CDKL5: variants seen among roughly 807,000 people sequenced by gnomAD.
CDKL5 encodes cyclin-dependent kinase-like 5.
Under a neutral mutation model 61.7 loss-of-function variants are expected in CDKL5, and 8 were observed. The ratio of observed to expected loss-of-function variants is 0.13; its 90% CI spans 0.08 to 0.23. The LOEUF (loss-of-function observed/expected upper bound fraction) is 0.23, where lower values mean the gene tolerates loss of function less well. Ranked by LOEUF, CDKL5 falls within the 10% of genes least tolerant of loss-of-function variation. The pLI, the probability that CDKL5 is intolerant of heterozygous loss-of-function variation, is 1.00. For synonymous variants in CDKL5, 275 were observed against 272.3 expected (o/e 1.01, Z -0.10); for missense variants, 440 against 734.5 (o/e 0.60, Z 4.63).
At chrX:18,525,816 G>A (rs763564425) in intron 3 of CDKL5, among the ~76,000 whole-genome samples, 211 of 103,623 alleles carry the variant, frequency 2.0e-3, no homozygotes, top group African/African-American at 7.0e-3. Flanking sequence ...GTGCGATCTC[G>A]GCCCACTGCA....
intron 1 of CDKL5, among the ~76,000 whole-genome samples, chrX:18,436,085 T>G (rs981897128): frequency 4.5e-5 from 5 of 112,116 alleles, no homozygotes; most frequent in African/African-American, 6.5e-5. Context: ...GTATGTTATA[T>G]GTATTATGTA....
rs754063912 is a variant in CDKL5 at position 18,604,402 on chromosome X, G to C, written c.1478G>C (p.Ser493Thr). Residue 493 changes from serine (S) to threonine (T), a missense_variant, in exon 12 of 18, where the codon AGT becomes ACT. This residue lies in a region of CDKL5 where 363 missense variants were observed against 516.3 expected (regional missense o/e 0.70). Transcript: ENST00000623535. ...AAGGCCAAAAGCCATGGGGCACTGA[G>C]TGACTCCAAGTCTGTGAGCAACCTT... ...RTKAKSHGALSDSKSVSNLSE... is the reference protein window; with the variant it reads ...RTKAKSHGALTDSKSVSNLSE... 8.3e-7 allele frequency: 1 copy of C among 1,211,157 alleles called. No homozygotes were observed. Among genetic ancestry groups the C allele is most frequent in the Non-Finnish European group, 1.1e-6 (1 of 895,076 alleles).
At chrX:18,578,592 CAATA>C (rs903416350) in intron 5 of CDKL5, among the ~76,000 whole-genome samples, 6 of 112,344 alleles carry the variant, frequency 5.3e-5, no homozygotes, top group Admixed American at 1.9e-4. Flanking sequence ...TTTAAAATAA[CAATA>C]AACGTATTGC....
Position 18,625,173 on chromosome X carries a change from A to G in CDKL5, c.2422A>G (p.Ile808Val), listed in dbSNP as rs1395051245. 8.3e-7 allele frequency: 1 copy of G among 1,205,640 alleles called. No individual in the cohort carries two copies. Residue 808 changes from isoleucine (I) to valine (V), a missense_variant, in exon 17 of 18, where the codon ATT (isoleucine) becomes GTT (valine). Ile to Val is a conservative substitution (Grantham distance 29). Transcript: ENST00000623535. The part of the protein sequence containing the change: ...SPDLLTLQKS[I>V]HSASTPSSRP... ...TGATCTTCTGACGTTGCAGAAATCC[A>G]TTCATTCTGCTAGCACTCCAAGCAG...
intron 1 of CDKL5, among the ~76,000 whole-genome samples, chrX:18,471,435 C>T (rs1261692567): frequency 9.1e-6 from 1 of 110,228 alleles, no homozygotes; most frequent in Non-Finnish European, 1.9e-5. Flanking sequence ...TGCAGTGGTG[C>T]AATCACAGCT....
chrX:18,620,796 G>A (rs749392274), intron 16 of CDKL5, among the ~76,000 whole-genome samples: 1 of 111,381 alleles, frequency 9.0e-6, no homozygotes, highest in African/African-American at 3.3e-5. Context: ...TGCCCAGGCT[G>A]GAGTGCAGTG....
At chrX:18,510,018 G>GAA (rs1164820299) in intron 2 of CDKL5, among the ~76,000 whole-genome samples, 12 of 62,805 alleles carry the variant, frequency 1.9e-4, no homozygotes, top group African/African-American at 5.0e-4. Flanking sequence ...AAACAAAACA[G>GAA]AAAAAAAAAA....
chrX:18,618,114 T>C (rs775829864), intron 15 of CDKL5, among the ~76,000 whole-genome samples: 1 of 112,452 alleles, frequency 8.9e-6, no homozygotes, highest in African/African-American at 3.2e-5. Context: ...ATTCTTACAG[T>C]AATGCCCATT....
intron 3 of CDKL5, among the ~76,000 whole-genome samples, chrX:18,529,168 A>G (rs1296766260): frequency 2.0e-5 from 2 of 98,930 alleles, no homozygotes; most frequent in Admixed American, 1.1e-4. Flanking sequence ...TTTAGTGTCT[A>G]TTATACTTGT....
chrX:18,591,361 C>T (rs765690588), intron 9 of CDKL5, among the ~76,000 whole-genome samples: 2 of 111,890 alleles, frequency 1.8e-5, no homozygotes, highest in African/African-American at 6.5e-5. Context: ...GTATTCACTA[C>T]ATATCTGAGA....
intron 20 of CDKL5, among the ~76,000 whole-genome samples, chrX:18,648,047 G>A (rs915500978): frequency 1.8e-5 from 2 of 110,763 alleles, no homozygotes; most frequent in East Asian, 2.9e-4. Flanking sequence ...CAGTAAAAAC[G>A]GTGTTGAGGC....
intron 12 of CDKL5, among the ~76,000 whole-genome samples, chrX:18,606,197 CACACACACACACAA>C (rs1450916978): frequency 2.7e-5 from 3 of 109,439 alleles, no homozygotes; most frequent in South Asian, 3.8e-4. Flanking sequence ...CACACACACA[CACACACACACACAA>C]ACACACAATG....
In CDKL5 at chrX:18,603,884, C is replaced by G. The variant is rs2147160055; in HGVS notation, c.978-18C>G. On this transcript the variant is annotated intron_variant, in intron 11 of 17. Coordinates refer to ENST00000623535, the MANE Select transcript of CDKL5 (RefSeq NM_001323289.2). ...GCTATTGAGGGAAACTGATATACTT[C>G]TTTTGTTTTTAACATAGAAACCAAG... 2 of 1,209,597 alleles carry G rather than the reference C, an allele frequency of 1.7e-6. No homozygotes were observed. Among genetic ancestry groups the G allele is most frequent in the East Asian group, 5.9e-5 (2 of 33,828 alleles).
At chrX:18,507,950 A>G (rs184438804) in intron 2 of CDKL5, among the ~76,000 whole-genome samples, 1 of 111,662 alleles carries the variant, frequency 9.0e-6, no homozygotes, top group Admixed American at 9.6e-5. Flanking sequence ...CTAATAGTAC[A>G]TAAAATAATG....
chrX:18,611,237 T>C (rs1404773638), intron 14 of CDKL5, among the ~76,000 whole-genome samples: 1 of 110,270 alleles, frequency 9.1e-6, no homozygotes, highest in Non-Finnish European at 1.9e-5. Flanking sequence ...GAGACCATCC[T>C]GGCTAACATG....
intron 1 of CDKL5, among the ~76,000 whole-genome samples, chrX:18,465,831 C>A (rs1932389367): frequency 9.0e-6 from 1 of 111,292 alleles, no homozygotes; most frequent in Admixed American, 9.6e-5. Context: ...TTATTAGGTC[C>A]CTTTAATTTG....
rs1439276066 is a variant in CDKL5, at chrX:18,647,249, C to G, written c.2797+1159C>G. The G allele has an allele frequency of 3.3e-6, 4 of 1,210,868 alleles. No individual in the cohort carries two copies. Among genetic ancestry groups the G allele is most frequent in the South Asian group, 1.8e-5 (1 of 56,936 alleles). ...GCAGTCCACGAAGAATACCAGCCCA[C>G]ATACTGCTCCGGGTTAGAGCAGGTG... On this transcript the variant is annotated intron_variant, in intron 20 of 21. Coordinates refer to the CDKL5 transcript ENST00000379989.
intron 3 of CDKL5, among the ~76,000 whole-genome samples, chrX:18,549,828 C>G (rs142719147): frequency 0.016 from 1,793 of 111,631 alleles, 18 homozygotes; most frequent in Non-Finnish European, 0.025. Context: ...CCCCATCCCC[C>G]TCTTGTAACT....
At chrX:18,622,415 C>T in intron 16 of CDKL5, among the ~76,000 whole-genome samples, 1 of 111,891 alleles carries the variant, frequency 8.9e-6, no homozygotes, top group Non-Finnish European at 1.9e-5. Flanking sequence ...TTCCAAAGAG[C>T]GCTCAGTACA....
Sources: allele counts gnomAD v4.1 joint callset (sites outside exome capture counted in the v4.1 genomes callset), GRCh38; gene constraint gnomAD v4.1.1; regional missense constraint gnomAD v4.1.1; transcripts MANE v1.5; gene names NCBI Gene and HGNC (gene_info 2026-07-23, HGNC 2026-07-21).